TOP1MT: variants seen among roughly 807,000 people sequenced by gnomAD.
The protein encoded by TOP1MT is DNA topoisomerase I, mitochondrial.
TOP1MT carries 80 observed loss-of-function variants against 73.9 expected under a neutral mutation model. That is an observed-to-expected ratio of 1.08 (90% CI 0.90 to 1.30). The LOEUF (loss-of-function observed/expected upper bound fraction) is 1.30, where lower values mean the gene tolerates loss of function less well. Among genes scored for constraint, TOP1MT ranks in the 50% most tolerant of loss-of-function variants. The probability of loss-of-function intolerance (pLI) is 0.00; values close to 1 mark genes in which losing one functional copy is unlikely to be tolerated. For missense variants in TOP1MT, 815 were observed against 808.0 expected (o/e 1.01, Z -0.10); for synonymous variants, 338 against 326.4 (o/e 1.04, Z -0.38).
chr8:143,326,113 G>T, intron 4 of TOP1MT, 109 bp downstream of exon 4: 1 of 1,288,032 alleles, frequency 7.8e-7, no homozygotes, highest in Non-Finnish European at 1.1e-6. Flanking sequence ...GAGCAGCTTT[G>T]TGAGAAGGGG....
chr8:143,315,734 AC>A lies in TOP1MT; in HGVS notation c.1545del (p.Lys515AsnfsTer23). The A allele has an allele frequency of 5.0e-6, 8 of 1,613,884 alleles. No individual in the cohort carries two copies. Among genetic ancestry groups the A allele is most frequent in the Non-Finnish European group, 6.8e-6 (8 of 1,179,914 alleles). On this transcript the variant is annotated frameshift_variant, in exon 12 of 14. Coordinates refer to ENST00000329245, the MANE Select transcript of TOP1MT (RefSeq NM_052963.3). LOFTEE classifies it high-confidence loss of function. ...RAEHKAQGDG[K>X]SRSVLEKKRR... ...GAGGGCACGGGTACTCACCTCCTGG[AC>A]TTGCCATCCCCTTGGGCTTTGTGCT...
rs7386475 is a variant in TOP1MT, at chr8:143,309,558, A to C, written c.1704-15T>G. 6.2e-7 allele frequency: 1 copy of C among 1,612,658 alleles called. No individual in the cohort carries two copies. The highest frequency in any genetic ancestry group is 8.5e-7 in the Non-Finnish European group (1 of 1,179,798). On this transcript the variant is annotated splice_polypyrimidine_tract_variant and intron_variant, in intron 13 of 13. Transcript: ENST00000329245. Reference sequence around the variant, plus strand: ...ACCGCTTGCACCTGCGGGAGGCAGCATCAGCCCAGGCAAGCAGGCAACTCA... The same window carrying C: ...ACCGCTTGCACCTGCGGGAGGCAGCCTCAGCCCAGGCAAGCAGGCAACTCA...
chr8:143,333,666 C>T (rs1285091846), intron 1 of TOP1MT: 1 of 152,318 alleles, frequency 6.6e-6, no homozygotes, highest in Non-Finnish European at 1.5e-5. Context: ...TTCTTTCACC[C>T]CTGCAGAGAC....
rs747566486 is a variant in TOP1MT, at chr8:143,310,167, G to A, written c.1604C>T (p.Ala535Val). ...GTCCGTGGCCTGCACACTCAGCTGC[G>A]CCAGCTGCTCCTGCAGCTTCTCCAG... ...RLLEKLQEQL[A>V]QLSVQATDKE... Residue 535 changes from alanine to valine, a missense_variant, in exon 13 of 14, where the codon GCG becomes GTG. Physicochemically the swap from Ala to Val is moderately conservative, Grantham distance 64 (BLOSUM62 0). Coordinates refer to ENST00000329245, the MANE Select transcript of TOP1MT (RefSeq NM_052963.3). 1.1e-5 allele frequency: 18 copies of A among 1,606,634 alleles called. No individual in the cohort carries two copies. Among genetic ancestry groups the A allele is most frequent in the Admixed American group, 3.4e-5 (2 of 59,110 alleles).
Position 143,315,750 on chromosome 8 carries a change from G to A in TOP1MT, c.1530C>T (p.Ala510=). 6.2e-7 allele frequency: 1 copy of A among 1,614,022 alleles called. No homozygotes were observed. The highest frequency in any genetic ancestry group is 1.1e-5 in the South Asian group (1 of 91,080). ...ELRRARAEHK[A]QGDGKSRSVL... ...ACCTCCTGGACTTGCCATCCCCTTGGGCTTTGTGCTCAGCCCTCGCCCTCC... is the reference window on the plus strand; with the variant it reads ...ACCTCCTGGACTTGCCATCCCCTTGAGCTTTGTGCTCAGCCCTCGCCCTCC... The change falls in exon 12 of 14, where the codon GCC becomes GCT. Residue 510 remains alanine (A), a synonymous_variant. Coordinates refer to ENST00000329245, the MANE Select transcript of TOP1MT (RefSeq NM_052963.3).
At position 143,310,787 on chromosome 8, in the gene TOP1MT, G is replaced by A. The variant is rs994045603; in HGVS notation, c.1554-570C>T. Among the ~76,000 whole-genome samples the A allele has an allele frequency of 1.1e-4, 17 of 152,216 alleles. 1 individual carries two copies. Among genetic ancestry groups the A allele is most frequent in the Admixed American group, 1.0e-3 (16 of 15,282 alleles). ...AATACGGCTGAGAATGGGGCAGCCC[G>A]CCGGGCCAGAAGCATAGGTCCGGGG... is the stretch of plus-strand genomic sequence containing the variant. On this transcript the variant is annotated intron_variant, in intron 12 of 13. Coordinates refer to ENST00000329245, the MANE Select transcript of TOP1MT (RefSeq NM_052963.3).
chr8:143,328,618 C>T (rs1816766326), intron 3 of TOP1MT, among the ~76,000 whole-genome samples: 1 of 152,254 alleles, frequency 6.6e-6, no homozygotes, highest in Non-Finnish European at 1.5e-5. Flanking sequence ...CTGTCAGAGG[C>T]AACTCACACA....
upstream of TOP1MT, among the ~76,000 whole-genome samples, chr8:143,338,813 G>A (rs1817025569): frequency 6.6e-6 from 1 of 152,138 alleles, no homozygotes; most frequent in Non-Finnish European, 1.5e-5. Flanking sequence ...GGGGAGTCTG[G>A]GCCTGCAGAC....
upstream of TOP1MT, among the ~76,000 whole-genome samples, chr8:143,347,860 C>T (rs1817255133): frequency 6.6e-6 from 1 of 152,224 alleles, no homozygotes; most frequent in Admixed American, 6.5e-5. Context: ...GGCCTCGAAG[C>T]TCAGGCACCG....
At chr8:143,324,419 C>T (rs764112451) in intron 6 of TOP1MT, 66 bp downstream of exon 6, 3 of 1,607,864 alleles carry the variant, frequency 1.9e-6, no homozygotes, top group Non-Finnish European at 2.5e-6. Flanking sequence ...GGCTTACACA[C>T]CTCCCTGCCG....
Position 143,315,720 on chromosome 8 carries a change from T to G in TOP1MT, c.1553+7A>C. 1 of 1,612,894 alleles carries G rather than the reference T, an allele frequency of 6.2e-7. No individual in the cohort carries two copies. Among genetic ancestry groups the G allele is most frequent in the African/African-American group, 1.3e-5 (1 of 75,010 alleles). On this transcript the variant is annotated splice_region_variant and intron_variant, in intron 12 of 13. Coordinates refer to ENST00000329245, the MANE Select transcript of TOP1MT (RefSeq NM_052963.3). ...GGGAGAAGGCGTCTGAGGGCACGGG[T>G]ACTCACCTCCTGGACTTGCCATCCC...
At chr8:143,311,681 G>A (rs1447459214) in intron 12 of TOP1MT, among the ~76,000 whole-genome samples, 1 of 151,796 alleles carries the variant, frequency 6.6e-6, no homozygotes, top group Admixed American at 6.6e-5. Flanking sequence ...GGGAGGCAGA[G>A]GTTGTGGTGA....
At chr8:143,334,911 A>AGCCCC (rs1816955305), upstream of TOP1MT, 3 of 1,322,536 alleles carry the variant, frequency 2.3e-6, no homozygotes, top group Non-Finnish European at 2.9e-6. Flanking sequence ...CCCAGCGGCC[A>AGCCCC]GCCCCGCCCC....
chr8:143,309,717 G>A, intron 13 of TOP1MT, 174 bp from the exon 14 acceptor site: 2 of 1,524,538 alleles, frequency 1.3e-6, no homozygotes, highest in South Asian at 1.2e-5. Context: ...CGCCACCCTG[G>A]AGCATCAGCG....
intron 8 of TOP1MT, 83 bp from the exon 9 acceptor site, chr8:143,318,169 G>A: frequency 2.3e-6 from 3 of 1,290,386 alleles, no homozygotes; most frequent in South Asian, 1.2e-5. Flanking sequence ...CAGAGCCTGG[G>A]AGCCCACGGG....
Position 143,334,875 on chromosome 8 carries a change from G to A in TOP1MT, c.-14C>T. The A allele has an allele frequency of 6.9e-7, 1 of 1,447,050 alleles. No homozygotes were observed. Among genetic ancestry groups the A allele is most frequent in the Non-Finnish European group, 8.9e-7 (1 of 1,119,712 alleles). The allele number at this position is 1,447,050 out of a possible 1,614,324, so 89.6% of individuals were successfully genotyped here. On this transcript the variant is annotated 5_prime_UTR_variant, in exon 1 of 14. Coordinates refer to ENST00000329245, the MANE Select transcript of TOP1MT (RefSeq NM_052963.3). ...CACCACGCGCATCTGCCAGCCTCCG[G>A]GAAAGAGCGACAAGCTGGGCCCCGC...
At chr8:143,312,205 ATAT>A (rs1202714417) in intron 12 of TOP1MT, among the ~76,000 whole-genome samples, 4 of 152,182 alleles carry the variant, frequency 2.6e-5, no homozygotes, top group African/African-American at 7.2e-5. Flanking sequence ...GAAATATTAG[ATAT>A]TATATTAAAT....
At chr8:143,311,747 CAAAAAA>C (rs34398519) in intron 12 of TOP1MT, among the ~76,000 whole-genome samples, 1 of 134,568 alleles carries the variant, frequency 7.4e-6, no homozygotes, top group Non-Finnish European at 1.6e-5. Flanking sequence ...GACTCTGTGT[CAAAAAA>C]AAAAAAAAAA....
At chr8:143,324,199 G>T in intron 6 of TOP1MT, 57 bp from the exon 7 acceptor site, 1 of 1,597,724 alleles carries the variant, frequency 6.3e-7, no homozygotes, top group Non-Finnish European at 8.6e-7. Context: ...AATAACGGAG[G>T]AGGCTGTCAA....
Sources: allele counts gnomAD v4.1 joint callset (sites outside exome capture counted in the v4.1 genomes callset), GRCh38; gene constraint gnomAD v4.1.1; transcripts MANE v1.5; gene names NCBI Gene and HGNC (gene_info 2026-07-23, HGNC 2026-07-21).